Variants in ALDH18A1 observed in about 807,000 individuals in gnomAD.
ALDH18A1 encodes the protein delta-1-pyrroline-5-carboxylate synthase.
A neutral mutation model predicts 88.8 loss-of-function variants in ALDH18A1; 44 were observed. The observed-to-expected ratio is 0.50, with a 90% CI of 0.39 to 0.64. The LOEUF (loss-of-function observed/expected upper bound fraction) is 0.64. Ranked by LOEUF, ALDH18A1 falls within the 30% of genes least tolerant of loss-of-function variation. ALDH18A1 has a pLI of 0.00. For synonymous variants in ALDH18A1, 331 were observed against 372.1 expected (o/e 0.89, Z 1.27); for missense variants, 782 against 1,009.5 (o/e 0.77, Z 3.05).
chr10:95,626,954 G>C (rs958115107), intron 9 of ALDH18A1, among the ~76,000 whole-genome samples, 178 bp from the exon 10 acceptor site: 1 of 152,124 alleles, frequency 6.6e-6, no homozygotes, highest in Admixed American at 6.5e-5. Context: ...AATAGCAAAA[G>C]AATGTGCCAG....
chr10:95,651,043 G>A (rs1457944486), intron 2 of ALDH18A1, among the ~76,000 whole-genome samples: 2 of 152,088 alleles, frequency 1.3e-5, no homozygotes, highest in Non-Finnish European at 2.9e-5. Flanking sequence ...TGAGGCAGGA[G>A]AATCGCTTGA....
chr10:95,631,927 T>C (rs1412408703), intron 7 of ALDH18A1, among the ~76,000 whole-genome samples: 2 of 152,082 alleles, frequency 1.3e-5, no homozygotes, highest in East Asian at 1.9e-4. Flanking sequence ...CACTCTTAGA[T>C]GAAATAAAAA....
At chr10:95,641,488 G>A (rs964519488) in intron 3 of ALDH18A1, among the ~76,000 whole-genome samples, 1 of 121,500 alleles carries the variant, frequency 8.2e-6, no homozygotes, top group Admixed American at 9.0e-5. Flanking sequence ...CTGTTGTTCT[G>A]GGTGTTTTTT....
chr10:95,648,602 G>C (rs2097904965), intron 2 of ALDH18A1, among the ~76,000 whole-genome samples: 1 of 152,126 alleles, frequency 6.6e-6, no homozygotes, highest in Non-Finnish European at 1.5e-5. Context: ...GACAAATGTG[G>C]CAGAAGGAAC....
chr10:95,622,494 G>T (rs183994815), intron 11 of ALDH18A1, among the ~76,000 whole-genome samples: 1 of 151,058 alleles, frequency 6.6e-6, no homozygotes, highest in South Asian at 2.1e-4. Context: ...GAGCGACCAT[G>T]CTTGGCTGAA....
intron 17 of ALDH18A1, 100 bp downstream of exon 17, chr10:95,610,097 G>T: frequency 5.3e-6 from 6 of 1,140,374 alleles, no homozygotes; most frequent in Non-Finnish European, 7.8e-6. Flanking sequence ...GACCAAGCAT[G>T]TGACAGTCAA....
At position 95,606,616 on chromosome 10, in the gene ALDH18A1, C is replaced by T. The variant is rs763942723; in HGVS notation, c.*146G>A. 5.0e-5 allele frequency: 80 copies of T among 1,589,616 alleles called. No individual in the cohort carries two copies. Among genetic ancestry groups the T allele is most frequent in the Non-Finnish European group, 6.6e-5 (77 of 1,171,886 alleles). On this transcript the variant is annotated 3_prime_UTR_variant, in exon 18 of 18. Coordinates refer to ENST00000371224, the MANE Select transcript of ALDH18A1 (RefSeq NM_002860.4). The stretch of plus-strand genomic sequence containing the variant: ...TGCACATCAGCCAAGACTGCTATTG[C>T]CAAACGGAGCCCAGAAGCATCCAGG...
chr10:95,640,270 T>A (rs2097888960), intron 3 of ALDH18A1, among the ~76,000 whole-genome samples: 1 of 152,160 alleles, frequency 6.6e-6, no homozygotes, highest in Admixed American at 6.5e-5. Flanking sequence ...AAATGGCCAA[T>A]GAAGTTTTTT....
rs10637751 is a variant in ALDH18A1 at position 95,623,411 on chromosome 10, T to TTCTTTC, written c.1246+1950_1246+1951insGAAAGA. Among the ~76,000 whole-genome samples, 15 of 151,254 alleles carry TTCTTTC rather than the reference T, an allele frequency of 9.9e-5. 1 individual carries two copies. Among genetic ancestry groups the TTCTTTC allele is most frequent in the Admixed American group, 2.0e-4 (3 of 15,200 alleles). On this transcript the variant is annotated intron_variant, in intron 11 of 17. Coordinates refer to ENST00000371224, the MANE Select transcript of ALDH18A1 (RefSeq NM_002860.4). ...TAAAGAGCTATTTTCTTTTCTTTCT[T>TTCTTTC]TTTCTTTTTTTTTTGAGATGAAGTC...
Position 95,639,993 on chromosome 10 carries a change from G to A in ALDH18A1, c.304-2557C>T, listed in dbSNP as rs76051812. ...TTCATCAAGGGGATACATAATGCCT[G>A]GTTATCTTTCTTTTTGTGATGTTAG... is the stretch of plus-strand genomic sequence containing the variant. On this transcript the variant is annotated intron_variant, in intron 3 of 17. Transcript: ENST00000371224. 1.7e-3 allele frequency among the ~76,000 whole-genome samples: 254 copies of A among 151,898 alleles called. 2 individuals are homozygous for A. Among genetic ancestry groups the A allele is most frequent in the East Asian group, 9.5e-3 (49 of 5,172 alleles).
intron 2 of ALDH18A1, among the ~76,000 whole-genome samples, chr10:95,652,938 G>A (rs1443061600): frequency 1.3e-5 from 2 of 151,534 alleles, no homozygotes; most frequent in African/African-American, 4.9e-5. Flanking sequence ...TGTAATCCCA[G>A]CACTTTGGGA....
At chr10:95,648,981 C>G (rs1463706459) in intron 2 of ALDH18A1, among the ~76,000 whole-genome samples, 1 of 152,188 alleles carries the variant, frequency 6.6e-6, no homozygotes, top group Non-Finnish European at 1.5e-5. Flanking sequence ...AGCCCTTATA[C>G]TCTACATTAA....
chr10:95,610,391 C>T (rs190649781), intron 16 of ALDH18A1, 99 bp from the exon 17 acceptor site: 40 of 1,122,774 alleles, frequency 3.6e-5, no homozygotes, highest in Admixed American at 2.6e-4. Flanking sequence ...GGGTCTGGGT[C>T]CCCACTGGGG....
chr10:95,609,907 T>G (rs1259765145), intron 17 of ALDH18A1, among the ~76,000 whole-genome samples: 1 of 151,980 alleles, frequency 6.6e-6, no homozygotes, highest in East Asian at 1.9e-4. Context: ...TAGCTGGGAT[T>G]ACAGGCATGC....
chr10:95,643,199 G>T lies in ALDH18A1; in HGVS notation c.96C>A (p.Ile32=), dbSNP rs11541779. 138 of 1,614,012 alleles carry T rather than the reference G, an allele frequency of 8.6e-5. 1 individual carries two copies. In the South Asian group the frequency reaches 1.5e-3, roughly 17 times the overall value. The change falls in exon 3 of 18, where the codon ATC becomes ATA. Residue 32 remains isoleucine, a synonymous_variant. Transcript: ENST00000371224. ...KCTTVFRSHC[I]QPSVIRHVRS... ...GAACATGTCTGATGACTGAAGGCTG[G>T]ATACAATCTGTAGCCATCAAAGTCA...
intron 1 of ALDH18A1, among the ~76,000 whole-genome samples, chr10:95,654,131 T>A (rs1474684866): frequency 6.6e-6 from 1 of 151,780 alleles, no homozygotes; most frequent in African/African-American, 2.4e-5. Flanking sequence ...CTCCTTCCTA[T>A]ATGTACAGGG....
intron 2 of ALDH18A1, among the ~76,000 whole-genome samples, chr10:95,644,197 G>A (rs1316977883): frequency 6.6e-6 from 1 of 152,168 alleles, no homozygotes; most frequent in African/African-American, 2.4e-5. Flanking sequence ...AAAGAACAAA[G>A]TAAGTGTATG....
intron 15 of ALDH18A1, among the ~76,000 whole-genome samples, chr10:95,613,335 T>TG (rs539868069): frequency 2.0e-5 from 3 of 152,156 alleles, no homozygotes; most frequent in African/African-American, 7.2e-5. Flanking sequence ...CCAAAGACAC[T>TG]GGGGGGAGGC....
chr10:95,627,258 A>G (rs1020614269), intron 9 of ALDH18A1, among the ~76,000 whole-genome samples, 184 bp downstream of exon 9: 2 of 150,288 alleles, frequency 1.3e-5, no homozygotes, highest in East Asian at 3.8e-4. Context: ...TTTTGCAGAG[A>G]ATAGGTCTAG....
Sources: gnomAD v4.1 joint callset for allele counts (sites outside exome capture counted in the v4.1 genomes callset) on GRCh38, gnomAD v4.1.1 for gene constraint, MANE v1.5 for transcripts, NCBI Gene and HGNC (gene_info 2026-07-23, HGNC 2026-07-21) for gene names.